The following ANKRD11 variants were observed in gnomAD, a reference collection of about 807,000 sequenced individuals.
The protein encoded by ANKRD11 is ankyrin repeat domain 11.
Under a neutral mutation model 195.7 loss-of-function variants are expected in ANKRD11, and 17 were observed. The ratio of observed to expected loss-of-function variants is 0.09; its 90% CI spans 0.06 to 0.13. The LOEUF (loss-of-function observed/expected upper bound fraction) is 0.13, where lower values mean the gene tolerates loss of function less well. Among genes scored for constraint, ANKRD11 ranks in the 10% least tolerant of loss-of-function variants. The pLI is 1.00. For missense variants in ANKRD11, 3,735 were observed against 3,566.1 expected (o/e 1.05, Z -1.21); for synonymous variants, 1,953 against 1,528.1 (o/e 1.28, Z -6.49).
In ANKRD11 at chr16:89,490,560, C is replaced by T. The variant is rs1242062018; in HGVS notation, c.-460G>A. ...ATCGCGCACCGTCTCAGGGCGGCCTCTGGCTCCAGGACCCAGCGGCGGCTG... is the reference window on the plus strand; with the variant it reads ...ATCGCGCACCGTCTCAGGGCGGCCTTTGGCTCCAGGACCCAGCGGCGGCTG... On this transcript the variant is annotated 5_prime_UTR_variant, in exon 1 of 13. Coordinates refer to ENST00000301030, the MANE Select transcript of ANKRD11 (RefSeq NM_013275.6). The T allele has an allele frequency of 1.4e-5, 6 of 420,878 alleles. No individual in the cohort carries two copies. The highest frequency in any genetic ancestry group is 2.5e-5 in the Non-Finnish European group (6 of 238,736). 26.1% of individuals were successfully genotyped at this position (420,878 alleles called of 1,614,324 possible). A position where few individuals can be genotyped will look rare whatever the true frequency, so the allele number is the denominator to read the frequency against.
chr16:89,285,892 G>A lies in ANKRD11; in HGVS notation c.892+147C>T. ...GGCTTCTCGGCAGTGACACACCTGGGCGGGGTCTCCCGCAGTCCAGAAGCT... is the reference window on the plus strand; with the variant it reads ...GGCTTCTCGGCAGTGACACACCTGGACGGGGTCTCCCGCAGTCCAGAAGCT... On this transcript the variant is annotated intron_variant, in intron 8 of 12. Transcript: ENST00000301030. This position sits in a 1 kb window ranked among gnomAD's most constrained non-coding sequence, Gnocchi z 5.6. 1.6e-6 allele frequency: 2 copies of A among 1,280,690 alleles called. No homozygotes were observed. The highest frequency in any genetic ancestry group is 2.2e-6 in the Non-Finnish European group (2 of 903,404). The allele number at this position is 1,280,690 out of a possible 1,614,324, so 79.3% of individuals were successfully genotyped here. A position where few individuals can be genotyped will look rare whatever the true frequency, so the allele number is the denominator to read the frequency against.
At chr16:89,342,558 G>A (rs1439685109) in intron 2 of ANKRD11, among the ~76,000 whole-genome samples, 2 of 152,242 alleles carry the variant, frequency 1.3e-5, no homozygotes, top group Admixed American at 6.5e-5. Flanking sequence ...CCACGTGCCT[G>A]AGCAGGATAT....
chr16:89,454,513 C>T lies in ANKRD11; in HGVS notation c.-145+35732G>A, dbSNP rs375608822. ...ATATATTAATGCCAATTTTCTCCTT[C>T]ACAAATTATAACTCTGTCTTAAACC... is the stretch of plus-strand genomic sequence containing the variant. On this transcript the variant is annotated intron_variant, in intron 1 of 12. Transcript: ENST00000301030. Among the ~76,000 whole-genome samples the T allele has an allele frequency of 3.9e-5, 6 of 152,316 alleles. No homozygotes were observed. In the East Asian group the frequency reaches 9.6e-4, roughly 24 times the overall value.
intron 2 of ANKRD11, among the ~76,000 whole-genome samples, chr16:89,414,677 G>A (rs1178026598): frequency 6.6e-6 from 1 of 152,206 alleles, no homozygotes; most frequent in Non-Finnish European, 1.5e-5. Flanking sequence ...CACAGAGCTA[G>A]CACCAGTCAG....
chr16:89,472,823 G>A (rs187054092), intron 1 of ANKRD11, among the ~76,000 whole-genome samples: 1 of 152,268 alleles, frequency 6.6e-6, no homozygotes, highest in African/African-American at 2.4e-5. Context: ...AGAGAGCACC[G>A]CAAGACCAAA....
At chr16:89,456,157 T>A (rs1225322114) in intron 1 of ANKRD11, among the ~76,000 whole-genome samples, 2 of 151,508 alleles carry the variant, frequency 1.3e-5, no homozygotes, top group Non-Finnish European at 2.9e-5. Flanking sequence ...GGAGAATCAT[T>A]TGAACCCAGG....
intron 1 of ANKRD11, among the ~76,000 whole-genome samples, chr16:89,464,888 G>A (rs1243434630): frequency 6.6e-6 from 1 of 152,180 alleles, no homozygotes; most frequent in African/African-American, 2.4e-5. Flanking sequence ...AAGCTACACA[G>A]TTCCAAGTTC....
At chr16:89,484,992 T>C (rs1188777114) in intron 1 of ANKRD11, among the ~76,000 whole-genome samples, 1 of 152,152 alleles carries the variant, frequency 6.6e-6, no homozygotes, top group Non-Finnish European at 1.5e-5. Flanking sequence ...AGCAGCACCC[T>C]GACAGCTGTC....
intron 2 of ANKRD11, among the ~76,000 whole-genome samples, chr16:89,415,263 T>A (rs1258837927): frequency 3.6e-5 from 1 of 27,834 alleles, no homozygotes. Flanking sequence ...CAGCTATTCT[T>A]TTTTTTTTTT....
Position 89,281,277 on chromosome 16 carries a change from G to A in ANKRD11, c.5265C>T (p.Ala1755=), listed in dbSNP as rs1211091497. Residue 1755 remains alanine, a synonymous_variant, in exon 9 of 13, where the codon GCC becomes GCT. Coordinates refer to ENST00000301030, the MANE Select transcript of ANKRD11 (RefSeq NM_013275.6). The surrounding 1 kb of genome is among the most constrained non-coding windows in gnomAD (Gnocchi z 5.5). ...STPVPTAPTS[A]CSPSFFDRFS... is the part of the protein sequence containing the mutation. ...ACCTGTCGAAAAAGGAGGGGGAGCA[G>A]GCGCTGGTGGGAGCGGTGGGCACGG... 7.4e-6 allele frequency: 12 copies of A among 1,614,278 alleles called. No homozygotes were observed. The highest frequency in any genetic ancestry group is 5.3e-5 in the African/African-American group (4 of 75,072).
intron 1 of ANKRD11, among the ~76,000 whole-genome samples, chr16:89,432,998 T>TCTCTCA (rs1555577390): frequency 7.1e-6 from 1 of 140,088 alleles, no homozygotes; most frequent in African/African-American, 2.7e-5. Context: ...CTCCTCTCTC[T>TCTCTCA]CACACACACA....
chr16:89,417,044 T>C (rs968966288), intron 2 of ANKRD11, among the ~76,000 whole-genome samples: 14 of 152,120 alleles, frequency 9.2e-5, no homozygotes, highest in African/African-American at 3.4e-4. Flanking sequence ...CTACAAACCA[T>C]CCCACAGATT....
chr16:89,311,865 T>C (rs753870270), intron 3 of ANKRD11, among the ~76,000 whole-genome samples: 3 of 152,178 alleles, frequency 2.0e-5, no homozygotes, highest in African/African-American at 4.8e-5. Context: ...TTTATTCTAA[T>C]AATGAAAATC....
At chr16:89,305,490 C>A in intron 3 of ANKRD11, 146 bp from the exon 4 acceptor site, 2 of 1,192,288 alleles carry the variant, frequency 1.7e-6, no homozygotes, top group African/African-American at 3.0e-5. Flanking sequence ...CTGTGTGAGG[C>A]TGGTCACCGA....
chr16:89,401,038 C>T (rs535481495), intron 2 of ANKRD11, among the ~76,000 whole-genome samples: 6 of 152,334 alleles, frequency 3.9e-5, no homozygotes, highest in Non-Finnish European at 8.8e-5. Flanking sequence ...GACAAATCCA[C>T]AACACGCTGG....
At chr16:89,293,853 C>T (rs893690491) in intron 4 of ANKRD11, among the ~76,000 whole-genome samples, 1 of 152,042 alleles carries the variant, frequency 6.6e-6, no homozygotes, top group Non-Finnish European at 1.5e-5. Flanking sequence ...CCCTAGGAGG[C>T]GTGTGTCAGA....
At chr16:89,428,866 C>T (rs897289952) in intron 1 of ANKRD11, among the ~76,000 whole-genome samples, 44 of 152,138 alleles carry the variant, frequency 2.9e-4, no homozygotes, top group African/African-American at 9.2e-4. Flanking sequence ...TGCATTATAG[C>T]CTGGGCAACA....
chr16:89,378,685 T>C (rs528648098), intron 2 of ANKRD11, among the ~76,000 whole-genome samples: 1 of 152,324 alleles, frequency 6.6e-6, no homozygotes, highest in South Asian at 2.1e-4. Context: ...GTTCAAGCAA[T>C]TCTCCTGTCT....
In ANKRD11 at chr16:89,281,309, A is replaced by T. The variant is rs772727317; in HGVS notation, c.5233T>A (p.Ser1745Thr). Residue 1745 changes from serine to threonine, a missense_variant, in exon 9 of 13, where the codon TCC (serine) becomes ACC (threonine). Ser to Thr is a moderately conservative substitution (Grantham distance 58). Transcript: ENST00000301030. The surrounding 1 kb of genome is among the most constrained non-coding windows in gnomAD (Gnocchi z 5.5). The part of the protein sequence containing the change: ...LVFDCADSQH[S>T]TPVPTAPTSA... Reference sequence around the variant, plus strand: ...GTGGGAGCGGTGGGCACGGGCGTGGAGTGCTGCGAGTCGGCGCAGTCGAAC... The same window carrying T: ...GTGGGAGCGGTGGGCACGGGCGTGGTGTGCTGCGAGTCGGCGCAGTCGAAC... 31 of 1,613,874 alleles carry T rather than the reference A, an allele frequency of 1.9e-5. No individual in the cohort carries two copies. Among genetic ancestry groups the T allele is most frequent in the Non-Finnish European group, 2.5e-5 (29 of 1,179,936 alleles).
Sources: allele counts gnomAD v4.1 joint callset (sites outside exome capture counted in the v4.1 genomes callset), GRCh38; gene constraint gnomAD v4.1.1; non-coding constraint Gnocchi (gnomAD v3.1); transcripts MANE v1.5; gene names NCBI Gene and HGNC (gene_info 2026-07-23, HGNC 2026-07-21).